Variants in PARD3B observed in about 807,000 individuals in gnomAD.
PARD3B encodes par-3 family cell polarity regulator beta, also known as partitioning defective 3 homolog B.
A neutral mutation model predicts 130.2 loss-of-function variants in PARD3B; 103 were observed. The observed-to-expected ratio is 0.79, with a 90% confidence interval of 0.67 to 0.93. The LOEUF (loss-of-function observed/expected upper bound fraction) is 0.93, where lower values mean the gene tolerates loss of function less well. Ranked by LOEUF, PARD3B falls within the 40% of genes least tolerant of loss-of-function variation. The pLI is 0.00. For synonymous variants in PARD3B, 583 were observed against 553.2 expected (o/e 1.05, Z -0.76); for missense variants, 1,609 against 1,499.2 (o/e 1.07, Z -1.21).
chr2:205,219,188 A>C (rs966155815), intron 15 of PARD3B, among the ~76,000 whole-genome samples: 1 of 152,146 alleles, frequency 6.6e-6, no homozygotes, highest in Non-Finnish European at 1.5e-5. Flanking sequence ...CGAGATTCTT[A>C]ATATAACTCA....
intron 3 of PARD3B, among the ~76,000 whole-genome samples, chr2:205,002,433 C>G (rs1038323919): frequency 1.3e-5 from 2 of 152,172 alleles, no homozygotes; most frequent in Admixed American, 1.3e-4. Context: ...CGACTGACAT[C>G]TTTACCTGGA....
chr2:205,110,634 G>GTTTTTTT (rs67202996), intron 5 of PARD3B, among the ~76,000 whole-genome samples: 11 of 104,644 alleles, frequency 1.1e-4, no homozygotes, highest in East Asian at 3.0e-4. Flanking sequence ...TCTGTTTTTT[G>GTTTTTTT]TTTTTTGTTT....
chr2:204,875,141 A>G (rs1056782566), intron 2 of PARD3B, among the ~76,000 whole-genome samples: 2 of 152,198 alleles, frequency 1.3e-5, no homozygotes, highest in African/African-American at 4.8e-5. Flanking sequence ...CATTTTAAGT[A>G]TACAATTCAG....
Position 205,440,219 on chromosome 2 carries a change from C to A in PARD3B, c.2742-151C>A, listed in dbSNP as rs540505668. 66 of 719,714 alleles carry A rather than the reference C, an allele frequency of 9.2e-5. No homozygotes were observed. The African/African-American group carries it at 9.3e-4, about 10-fold the overall frequency. 44.6% of individuals were successfully genotyped at this position (719,714 alleles called of 1,614,324 possible). On this transcript the variant is annotated intron_variant, in intron 19 of 22. Transcript: ENST00000406610. This position sits in a 1 kb window ranked among gnomAD's most constrained non-coding sequence, Gnocchi z 4.2. Reference sequence around the variant, plus strand: ...GATATATAAAATTAATCTTCTTATGCTGTTGGCATTTCTGCATGCTGTGAT... The same window carrying A: ...GATATATAAAATTAATCTTCTTATGATGTTGGCATTTCTGCATGCTGTGAT...
chr2:204,865,232 G>T (rs1166838615), intron 2 of PARD3B, among the ~76,000 whole-genome samples: 1 of 152,146 alleles, frequency 6.6e-6, no homozygotes, highest in African/African-American at 2.4e-5. Context: ...AGAACTAAAA[G>T]TAGATCTACC....
At chr2:204,885,090 C>T (rs1189957009) in intron 2 of PARD3B, among the ~76,000 whole-genome samples, 1 of 152,178 alleles carries the variant, frequency 6.6e-6, no homozygotes, top group Non-Finnish European at 1.5e-5. Flanking sequence ...TTTACACTCC[C>T]ATCAATGGCG....
intron 1 of PARD3B, among the ~76,000 whole-genome samples, chr2:204,567,505 A>G (rs1385835726): frequency 1.3e-5 from 2 of 152,168 alleles, no homozygotes; most frequent in Non-Finnish European, 2.9e-5. Flanking sequence ...TAGCGTAATA[A>G]TGTCTTTGGT....
chr2:205,430,892 A>C (rs1367976357), intron 19 of PARD3B, among the ~76,000 whole-genome samples: 1 of 152,228 alleles, frequency 6.6e-6, no homozygotes, highest in Non-Finnish European at 1.5e-5. Flanking sequence ...CATTTGGGAA[A>C]ATTTGTTTAT....
At chr2:204,973,586 A>T (rs558041004) in intron 3 of PARD3B, among the ~76,000 whole-genome samples, 12 of 152,022 alleles carry the variant, frequency 7.9e-5, no homozygotes, top group African/African-American at 2.7e-4. Context: ...AAAAAAAAAA[A>T]ATCCACTAAT....
intron 10 of PARD3B, among the ~76,000 whole-genome samples, chr2:205,150,888 C>A (rs2033707848): frequency 6.6e-6 from 1 of 152,074 alleles, no homozygotes; most frequent in African/African-American, 2.4e-5. Flanking sequence ...AAGACACAAT[C>A]TCAGTTAGGA....
chr2:205,212,196 T>A (rs1282566588), intron 15 of PARD3B, among the ~76,000 whole-genome samples: 1 of 55,266 alleles, frequency 1.8e-5, no homozygotes. Context: ...CACAAAAATG[T>A]CAGTGAAACT....
chr2:205,216,431 C>T (rs950507890), intron 15 of PARD3B, among the ~76,000 whole-genome samples: 4 of 151,976 alleles, frequency 2.6e-5, no homozygotes, highest in African/African-American at 7.2e-5. Context: ...GTGGAAGTTA[C>T]GTGTATAATT....
chr2:205,041,238 A>G (rs1314897678), intron 3 of PARD3B, among the ~76,000 whole-genome samples: 1 of 152,128 alleles, frequency 6.6e-6, no homozygotes, highest in Non-Finnish European at 1.5e-5. Flanking sequence ...TGCCCACCCT[A>G]TTGAAAATCT....
chr2:205,393,433 C>G (rs894358932), intron 18 of PARD3B, among the ~76,000 whole-genome samples: 2 of 152,158 alleles, frequency 1.3e-5, no homozygotes, highest in Admixed American at 1.3e-4. Flanking sequence ...TGACATTGTT[C>G]CACAGATGTC....
At chr2:204,861,945 A>AG (rs1029636384) in intron 2 of PARD3B, among the ~76,000 whole-genome samples, 3 of 150,978 alleles carry the variant, frequency 2.0e-5, no homozygotes, top group African/African-American at 7.3e-5. Flanking sequence ...AAAAAAAAAA[A>AG]AAAAAAGAAA....
intron 15 of PARD3B, among the ~76,000 whole-genome samples, chr2:205,204,009 A>T (rs1429219608): frequency 2.0e-5 from 3 of 152,188 alleles, no homozygotes; most frequent in Admixed American, 6.5e-5. Context: ...CTGGTTCTGG[A>T]TCCTTGAGGA....
At chr2:204,547,851 G>T (rs1035456843) in intron 1 of PARD3B, among the ~76,000 whole-genome samples, 1 of 152,100 alleles carries the variant, frequency 6.6e-6, no homozygotes, top group Non-Finnish European at 1.5e-5. Context: ...ATCTTAAAAG[G>T]TGTTAAAATA....
At chr2:205,005,373 A>G (rs1695170273) in intron 3 of PARD3B, among the ~76,000 whole-genome samples, 1 of 152,224 alleles carries the variant, frequency 6.6e-6, no homozygotes, top group African/African-American at 2.4e-5. Flanking sequence ...CATTATTGGG[A>G]AGACAAAATA....
At chr2:204,585,285 G>A (rs2032767237) in intron 1 of PARD3B, among the ~76,000 whole-genome samples, 1 of 152,090 alleles carries the variant, frequency 6.6e-6, no homozygotes, top group Admixed American at 6.6e-5. Context: ...AATGTACTGA[G>A]GTCTTGTGAT....
Sources: allele counts gnomAD v4.1 joint callset (sites outside exome capture counted in the v4.1 genomes callset), GRCh38; gene constraint gnomAD v4.1.1; non-coding constraint Gnocchi (gnomAD v3.1); transcripts MANE v1.5; gene names NCBI Gene and HGNC (gene_info 2026-07-23, HGNC 2026-07-21).